The following PTCHD4 variants were observed in gnomAD, a reference collection of about 807,000 sequenced individuals.
The protein encoded by PTCHD4 is patched domain-containing protein 4.
A neutral mutation model predicts 58.1 loss-of-function variants in PTCHD4; 33 were observed. The ratio of observed to expected loss-of-function variants is 0.57; its 90% CI spans 0.43 to 0.76. PTCHD4 has a LOEUF of 0.76. Ranked by LOEUF, PTCHD4 falls within the 30% of genes least tolerant of loss-of-function variation. The probability of loss-of-function intolerance (pLI) is 0.00; values close to 1 mark genes in which losing one functional copy is unlikely to be tolerated. For missense variants in PTCHD4, 1,058 were observed against 1,027.1 expected, an observed-to-expected ratio of 1.03 and a Z score of -0.41; for synonymous variants, 478 against 409.6, an observed-to-expected ratio of 1.17 and a Z score of -2.02.
At chr6:48,018,884 A>G (rs2114105979) in intron 3 of PTCHD4, among the ~76,000 whole-genome samples, 2 of 152,316 alleles carry the variant, frequency 1.3e-5, no homozygotes, top group South Asian at 4.1e-4. Context: ...GCAAATCCCT[A>G]TGTATAATGT....
At chr6:48,017,451 T>TA (rs1562009120) in intron 3 of PTCHD4, among the ~76,000 whole-genome samples, 3 of 152,050 alleles carry the variant, frequency 2.0e-5, no homozygotes, top group South Asian at 2.1e-4. Context: ...AGAAGAAGAT[T>TA]AAAAAAACAA....
rs778453418 is a variant in PTCHD4 at position 47,878,343 on chromosome 6, A to G, written c.2492T>C (p.Ile831Thr). The change falls in exon 5 of 5, where the codon ATA (isoleucine) becomes ACA (threonine). Residue 831 changes from isoleucine (I) to threonine (T), a missense_variant. Transcript: ENST00000339488. ...GTGATCCGGGTTCTCTTGAATTTCT[A>G]TGCATTCAATTTCCTCTCTCTCCTT... is the stretch of plus-strand genomic sequence containing the variant. ...KRKEREEIEC[I>T]EIQENPDHVT... is the part of the protein sequence containing the mutation. 1.4e-5 allele frequency: 22 copies of G among 1,607,756 alleles called. No individual in the cohort carries two copies. Among genetic ancestry groups the G allele is most frequent in the Non-Finnish European group, 1.8e-5 (21 of 1,177,138 alleles).
intron 3 of PTCHD4, among the ~76,000 whole-genome samples, chr6:48,053,032 GC>G (rs1244693535): frequency 6.6e-6 from 1 of 152,074 alleles, no homozygotes; most frequent in Non-Finnish European, 1.5e-5. Flanking sequence ...TAATGAACAT[GC>G]TTTTCCTCTA....
chr6:47,996,463 AG>A (rs1768491982), intron 4 of PTCHD4, among the ~76,000 whole-genome samples: 1 of 151,756 alleles, frequency 6.6e-6, no homozygotes, highest in African/African-American at 2.4e-5. Context: ...CTACAGAGTA[AG>A]TGAGACTCCT....
chr6:48,100,891 G>T (rs986765233), intron 1 of PTCHD4, among the ~76,000 whole-genome samples: 1 of 151,918 alleles, frequency 6.6e-6, no homozygotes, highest in East Asian at 1.9e-4. Flanking sequence ...AAATTACATG[G>T]TAAACAAATA....
rs187486304 is a variant in PTCHD4, at chr6:47,967,771, G to A, written c.898+40863C>T. The stretch of plus-strand genomic sequence containing the variant: ...AAACTTCATGAATCAACTTTTGCTA[G>A]CTTCAAACTTTTCTTCACAGCTTCC... On this transcript the variant is annotated intron_variant, in intron 4 of 4. Coordinates refer to ENST00000339488, the MANE Select transcript of PTCHD4 (RefSeq NM_001384253.1). Among the ~76,000 whole-genome samples the A allele has an allele frequency of 3.3e-5, 5 of 152,276 alleles. No individual in the cohort carries two copies. In the East Asian group the frequency reaches 9.7e-4, roughly 29 times the overall value.
intron 4 of PTCHD4, among the ~76,000 whole-genome samples, chr6:47,979,699 A>G (rs555754919): frequency 1.6e-4 from 25 of 152,228 alleles, no homozygotes; most frequent in Non-Finnish European, 2.8e-4. Context: ...CCAATTTGAT[A>G]TGCCATACTT....
chr6:47,944,313 C>T (rs546056946), intron 4 of PTCHD4, among the ~76,000 whole-genome samples: 1 of 152,032 alleles, frequency 6.6e-6, no homozygotes, highest in Non-Finnish European at 1.5e-5. Flanking sequence ...TAAACAATAA[C>T]AAATTATTCA....
intron 1 of PTCHD4, among the ~76,000 whole-genome samples, chr6:48,078,048 A>C (rs572970795): frequency 6.6e-6 from 1 of 152,358 alleles, no homozygotes; most frequent in South Asian, 2.1e-4. Flanking sequence ...GGAGAAAAAA[A>C]ACACAATATC....
At chr6:47,901,946 G>A (rs1764721841) in intron 4 of PTCHD4, 10 of 1,291,620 alleles carry the variant, frequency 7.7e-6, no homozygotes, top group Non-Finnish European at 1.0e-5. Context: ...CTTAAAAATA[G>A]TATGAGCAAG....
At position 47,863,783 on chromosome 6, in the gene PTCHD4, A is replaced by C. The variant is rs1763488097; in HGVS notation, c.*14520T>G. Among the ~76,000 whole-genome samples the C allele has an allele frequency of 1.3e-5, 2 of 151,896 alleles. No individual in the cohort carries two copies. The highest frequency in any genetic ancestry group is 1.3e-4 in the Admixed American group (2 of 15,240). ...CTCTACGCCTTGGTTCCATGTTCCT[A>C]AATTTTCTTCATGAAAAGACTGTCC... On this transcript the variant is annotated 3_prime_UTR_variant, in exon 5 of 5. Transcript: ENST00000339488.
In PTCHD4 at chr6:47,879,361, G is replaced by C. The variant is rs768505002; in HGVS notation, c.1474C>G (p.Leu492Val). 13 of 1,613,364 alleles carry C rather than the reference G, an allele frequency of 8.1e-6. No individual in the cohort carries two copies. Residue 492 changes from leucine (L) to valine (V), a missense_variant, in exon 5 of 5, where the codon CTA becomes GTA. Transcript: ENST00000339488. ...ISDGANIINL[L>V]ASDSPSVSYA... Reference sequence around the variant, plus strand: ...GAAACACTTGGCGAATCACTGGCTAGTAGATTGATGATGTTGGCTCCGTCA... The same window carrying C: ...GAAACACTTGGCGAATCACTGGCTACTAGATTGATGATGTTGGCTCCGTCA...
intron 4 of PTCHD4, among the ~76,000 whole-genome samples, chr6:47,913,858 T>C (rs1045634907): frequency 1.3e-5 from 2 of 152,118 alleles, no homozygotes; most frequent in African/African-American, 4.8e-5. Context: ...TGTGATTGAG[T>C]TGGAGTTCAG....
At chr6:47,982,481 CTTTTT>C (rs375869071) in intron 4 of PTCHD4, among the ~76,000 whole-genome samples, 1 of 130,794 alleles carries the variant, frequency 7.6e-6, no homozygotes, top group Non-Finnish European at 1.6e-5. Context: ...TTATCTCTCT[CTTTTT>C]TTTTTTTTTT....
At chr6:47,984,639 G>C (rs1267039883) in intron 4 of PTCHD4, among the ~76,000 whole-genome samples, 1 of 152,012 alleles carries the variant, frequency 6.6e-6, no homozygotes, top group Admixed American at 6.6e-5. Flanking sequence ...TCATATAAAG[G>C]TTCAGTGCAG....
intron 1 of PTCHD4, among the ~76,000 whole-genome samples, chr6:48,105,139 C>T (rs1316110583): frequency 1.3e-5 from 2 of 152,212 alleles, no homozygotes; most frequent in East Asian, 3.8e-4. Flanking sequence ...CCCAAATCAA[C>T]AGAATATACA....
chr6:47,960,224 C>T (rs77401838), intron 4 of PTCHD4, among the ~76,000 whole-genome samples: 1 of 152,044 alleles, frequency 6.6e-6, no homozygotes, highest in Admixed American at 6.5e-5. Flanking sequence ...AGAATCATAG[C>T]TAATAAGCTA....
intron 4 of PTCHD4, among the ~76,000 whole-genome samples, chr6:47,991,546 C>T (rs1003232312): frequency 2.0e-5 from 3 of 151,640 alleles, no homozygotes; most frequent in East Asian, 1.9e-4. Flanking sequence ...TGTTAAACAG[C>T]GGTAAATATG....
In PTCHD4 at chr6:48,060,716, C is replaced by T. The variant is rs543020708; in HGVS notation, c.417+7514G>A. Among the ~76,000 whole-genome samples the T allele has an allele frequency of 6.6e-5, 10 of 152,298 alleles. No individual in the cohort carries two copies. The East Asian group carries it at 1.9e-3, about 29-fold the overall frequency. On this transcript the variant is annotated intron_variant, in intron 3 of 4. Transcript: ENST00000339488. ...TCTTGAACTCCTGGGCTCAAACGATCCACCCACCTCAGCCTCCCAAAGTGT... is the reference window on the plus strand; with the variant it reads ...TCTTGAACTCCTGGGCTCAAACGATTCACCCACCTCAGCCTCCCAAAGTGT...
Sources: gnomAD v4.1 joint callset for allele counts (sites outside exome capture counted in the v4.1 genomes callset) on GRCh38, gnomAD v4.1.1 for gene constraint, MANE v1.5 for transcripts, NCBI Gene and HGNC (gene_info 2026-07-23, HGNC 2026-07-21) for gene names.